Variants in ARID5B observed in about 807,000 individuals in gnomAD.
ARID5B encodes AT-rich interaction domain 5B.
Under a neutral mutation model 97.2 loss-of-function variants are expected in ARID5B, and 13 were observed. The observed-to-expected ratio is 0.13, with a 90% CI of 0.09 to 0.21. ARID5B has a LOEUF of 0.21. Ranked by LOEUF, ARID5B falls within the 10% of genes least tolerant of loss-of-function variation. The pLI is 1.00. For synonymous variants in ARID5B, 556 were observed against 570.3 expected, an observed-to-expected ratio of 0.97 and a Z score of 0.36; for missense variants, 1,210 against 1,465.3, an observed-to-expected ratio of 0.83 and a Z score of 2.84.
chr10:62,021,399 T>C (rs1839354965), intron 4 of ARID5B, among the ~76,000 whole-genome samples: 1 of 152,218 alleles, frequency 6.6e-6, no homozygotes, highest in Non-Finnish European at 1.5e-5. Context: ...TCAGAACTTC[T>C]TTGGAGTATT....
chr10:61,964,202 C>T (rs1400174743), intron 3 of ARID5B, among the ~76,000 whole-genome samples: 2 of 152,100 alleles, frequency 1.3e-5, no homozygotes. Context: ...GGAGTTAACC[C>T]TTCAGTGTCT....
chr10:61,972,202 T>C (rs1035506558), intron 3 of ARID5B, among the ~76,000 whole-genome samples: 2 of 151,148 alleles, frequency 1.3e-5, no homozygotes, highest in Non-Finnish European at 2.9e-5. Context: ...AACATTATAC[T>C]GTATCTCTAG....
chr10:61,925,610 C>G (rs556672145), intron 2 of ARID5B, among the ~76,000 whole-genome samples: 1 of 152,072 alleles, frequency 6.6e-6, no homozygotes, highest in African/African-American at 2.4e-5. Flanking sequence ...ATTTTCTGCT[C>G]TCTGTGTAAG....
intron 2 of ARID5B, among the ~76,000 whole-genome samples, chr10:61,930,004 T>C (rs1844175654): frequency 6.6e-6 from 1 of 152,192 alleles, no homozygotes; most frequent in Non-Finnish European, 1.5e-5. Context: ...GCATCCAAAT[T>C]GATAACAAGG....
intron 3 of ARID5B, among the ~76,000 whole-genome samples, chr10:61,955,641 A>G (rs2132815928): frequency 6.6e-6 from 1 of 152,066 alleles, no homozygotes; most frequent in South Asian, 2.1e-4. Flanking sequence ...CTTTGCAGAA[A>G]TCTTTTTTTG....
chr10:61,915,488 C>T (rs1843885131), intron 2 of ARID5B, among the ~76,000 whole-genome samples: 1 of 152,156 alleles, frequency 6.6e-6, no homozygotes, highest in South Asian at 2.1e-4. Flanking sequence ...TGGGAAGTTT[C>T]TAGGCAAGCT....
chr10:62,047,104 C>T (rs1366820768), intron 4 of ARID5B: 1 of 152,034 alleles, frequency 6.6e-6, no homozygotes, highest in African/African-American at 2.4e-5. Flanking sequence ...TGTTGAAATC[C>T]TTCTGCTGCC....
At chr10:61,902,043 T>C (rs747120543) in intron 1 of ARID5B, 116 bp from the exon 2 acceptor site, 27 of 1,203,098 alleles carry the variant, frequency 2.2e-5, no homozygotes, top group Non-Finnish European at 2.8e-5. Flanking sequence ...CAGCGTTATA[T>C]CTGTTGGGTC....
At chr10:61,979,120 G>A (rs1254335684) in intron 3 of ARID5B, among the ~76,000 whole-genome samples, 3 of 152,196 alleles carry the variant, frequency 2.0e-5, no homozygotes, top group Admixed American at 6.5e-5. Context: ...GGAGACCCGA[G>A]TACACATGGC....
At chr10:61,998,417 C>G (rs545354871) in intron 3 of ARID5B, among the ~76,000 whole-genome samples, 1 of 152,172 alleles carries the variant, frequency 6.6e-6, no homozygotes, top group Non-Finnish European at 1.5e-5. Flanking sequence ...TGCTTACAAC[C>G]GCTCTGATGG....
intron 4 of ARID5B, among the ~76,000 whole-genome samples, chr10:62,026,160 T>TATAA (rs1839418422): frequency 6.6e-6 from 1 of 152,240 alleles, no homozygotes; most frequent in Non-Finnish European, 1.5e-5. Context: ...ACCCAAGCCT[T>TATAA]GTTGCAAGAA....
At chr10:62,030,092 A>G (rs1839476335) in intron 4 of ARID5B, among the ~76,000 whole-genome samples, 1 of 151,972 alleles carries the variant, frequency 6.6e-6, no homozygotes, top group African/African-American at 2.4e-5. Flanking sequence ...TGAAATACAC[A>G]TGTCAGGAAA....
At chr10:62,027,217 T>C (rs1254767531) in intron 4 of ARID5B, among the ~76,000 whole-genome samples, 1 of 147,904 alleles carries the variant, frequency 6.8e-6, no homozygotes, top group African/African-American at 2.5e-5. Context: ...CTTGAATCTG[T>C]CCAACTCCTG....
intron 2 of ARID5B, among the ~76,000 whole-genome samples, chr10:61,938,098 G>C (rs1029668679): frequency 6.6e-6 from 1 of 152,176 alleles, no homozygotes; most frequent in Non-Finnish European, 1.5e-5. Flanking sequence ...ATCTGTTTGA[G>C]AGAGGGAGAA....
intron 4 of ARID5B, among the ~76,000 whole-genome samples, chr10:62,050,449 G>A (rs1839771666): frequency 6.6e-6 from 1 of 152,128 alleles, no homozygotes; most frequent in South Asian, 2.1e-4. Flanking sequence ...TAAAAGAGAT[G>A]TTTTCAAACA....
chr10:61,977,119 T>G (rs1403471680), intron 3 of ARID5B, among the ~76,000 whole-genome samples: 2 of 152,214 alleles, frequency 1.3e-5, no homozygotes, highest in African/African-American at 4.8e-5. Context: ...GTTTGGTTTT[T>G]GTCCTTGCAA....
intron 3 of ARID5B, among the ~76,000 whole-genome samples, chr10:61,953,596 G>A (rs1174262230): frequency 2.6e-5 from 4 of 152,192 alleles, no homozygotes; most frequent in Non-Finnish European, 5.9e-5. Flanking sequence ...TCAGTAGTCA[G>A]TTATGTTGTA....
At chr10:62,054,035 A>C (rs1348345405) in intron 5 of ARID5B, among the ~76,000 whole-genome samples, 4 of 152,200 alleles carry the variant, frequency 2.6e-5, no homozygotes, top group Non-Finnish European at 5.9e-5. Flanking sequence ...AATCCCGTGG[A>C]AGGATGTGGT....
intron 3 of ARID5B, among the ~76,000 whole-genome samples, chr10:61,999,604 A>G (rs1464845176): frequency 6.6e-6 from 1 of 152,190 alleles, no homozygotes; most frequent in East Asian, 1.9e-4. Context: ...TTCAAAATTC[A>G]AAGTATGCTT....
Sources: allele counts gnomAD v4.1 joint callset (sites outside exome capture counted in the v4.1 genomes callset), GRCh38; gene constraint gnomAD v4.1.1; transcripts MANE v1.5; gene names NCBI Gene and HGNC (gene_info 2026-07-23, HGNC 2026-07-21).